MAN1C1: variants seen among roughly 807,000 people sequenced by gnomAD.
MAN1C1 encodes the protein mannosyl-oligosaccharide 1,2-alpha-mannosidase IC.
MAN1C1 carries 49 observed loss-of-function variants against 71.5 expected under a neutral mutation model. The observed-to-expected ratio is 0.69, with a 90% CI of 0.54 to 0.87. MAN1C1 has a LOEUF of 0.87. Among genes scored for constraint, MAN1C1 ranks in the 40% least tolerant of loss-of-function variants. The pLI is 0.00. For synonymous variants in MAN1C1, 352 were observed against 343.7 expected, an observed-to-expected ratio of 1.02 and a Z score of -0.27; for missense variants, 743 against 835.0, an observed-to-expected ratio of 0.89 and a Z score of 1.36.
chr1:25,686,521 G>A lies in MAN1C1; in HGVS notation c.622G>A (p.Glu208Lys), dbSNP rs1392153409. ...ELRPLTKDGY[E>K]GNMFGGLSGA... ...CCGTCCACTAACAAAAGATGGCTAC[G>A]AGGGTAACATGTTCGGTGAGTCGAT... Residue 208 changes from glutamate to lysine, a missense_variant, in exon 2 of 12, where the codon GAG becomes AAG. By Grantham distance (56) the Glu-to-Lys change is moderately conservative. Coordinates refer to ENST00000374332, the MANE Select transcript of MAN1C1 (RefSeq NM_020379.4). 2 of 1,614,120 alleles carry A rather than the reference G, an allele frequency of 1.2e-6. No individual in the cohort carries two copies. The highest frequency in any genetic ancestry group is 2.2e-5 in the East Asian group (1 of 44,876).
intron 1 of MAN1C1, among the ~76,000 whole-genome samples, chr1:25,666,860 G>A (rs1409101438): frequency 6.6e-6 from 1 of 152,258 alleles, no homozygotes; most frequent in Admixed American, 6.5e-5. Context: ...AGCAAGTGCA[G>A]GGAAGAGGAA....
At chr1:25,694,695 G>A (rs781082816) in intron 2 of MAN1C1, among the ~76,000 whole-genome samples, 4 of 152,194 alleles carry the variant, frequency 2.6e-5, no homozygotes, top group Non-Finnish European at 5.9e-5. Context: ...GCCTTGGTGG[G>A]TCTTTTTGTC....
chr1:25,649,828 G>C (rs563290572), intron 1 of MAN1C1, among the ~76,000 whole-genome samples: 1 of 152,268 alleles, frequency 6.6e-6, no homozygotes, highest in South Asian at 2.1e-4. Flanking sequence ...AATAGAGACA[G>C]GGTTTCACCA....
rs1465555117 is a variant in MAN1C1 at position 25,776,917 on chromosome 1, G to A, written c.1258-1188G>A. 6.6e-6 allele frequency among the ~76,000 whole-genome samples: 1 copy of A among 152,132 alleles called. No individual in the cohort carries two copies. The highest frequency in any genetic ancestry group is 1.9e-4 in the East Asian group (1 of 5,190). On this transcript the variant is annotated intron_variant, in intron 8 of 11. Transcript: ENST00000374332. This position sits in a 1 kb window ranked among gnomAD's most constrained non-coding sequence, Gnocchi z 4.3. ...CTCACAACCCTATGAGGCAGTTAAT[G>A]CTCTTATCCCCAGTTTACACGTTAG...
At chr1:25,643,364 C>T (rs1314591543) in intron 1 of MAN1C1, among the ~76,000 whole-genome samples, 1 of 151,018 alleles carries the variant, frequency 6.6e-6, no homozygotes, top group African/African-American at 2.4e-5. Flanking sequence ...AAGCGATTCT[C>T]CAGCCTCAGC....
intron 2 of MAN1C1, among the ~76,000 whole-genome samples, chr1:25,700,711 C>T (rs139890402): frequency 6.6e-6 from 1 of 152,358 alleles, no homozygotes; most frequent in East Asian, 1.9e-4. Context: ...GGGAATCACA[C>T]AGATACTAGA....
At chr1:25,706,526 G>A (rs1464037175) in intron 2 of MAN1C1, among the ~76,000 whole-genome samples, 1 of 152,170 alleles carries the variant, frequency 6.6e-6, no homozygotes, top group African/African-American at 2.4e-5. Flanking sequence ...CTCTGGCGGG[G>A]GGGAATCCTT....
At chr1:25,697,671 G>T (rs2046386433) in intron 2 of MAN1C1, among the ~76,000 whole-genome samples, 1 of 152,226 alleles carries the variant, frequency 6.6e-6, no homozygotes, top group Non-Finnish European at 1.5e-5. Context: ...CCCACCAGGG[G>T]TGTTTAAGAG....
chr1:25,668,384 TCCTATCTTGTTTACTC>T (rs1481572032), intron 1 of MAN1C1, among the ~76,000 whole-genome samples: 11 of 152,098 alleles, frequency 7.2e-5, no homozygotes, highest in Admixed American at 7.2e-4. Flanking sequence ...CAGCCGCCAT[TCCTATCTTGTTTACTC>T]CCATATGTAC....
intron 1 of MAN1C1, among the ~76,000 whole-genome samples, chr1:25,657,392 T>C (rs1235578201): frequency 6.6e-6 from 1 of 152,166 alleles, no homozygotes; most frequent in East Asian, 1.9e-4. Context: ...GTGGTGGTGC[T>C]TGATGTAGGG....
intron 1 of MAN1C1, among the ~76,000 whole-genome samples, chr1:25,653,461 G>A (rs1157389509): frequency 1.3e-5 from 2 of 152,188 alleles, no homozygotes; most frequent in Non-Finnish European, 2.9e-5. Flanking sequence ...CCATCTTTTT[G>A]TGTTGTGTTG....
chr1:25,666,774 A>G (rs1336725919), intron 1 of MAN1C1, among the ~76,000 whole-genome samples: 2 of 152,116 alleles, frequency 1.3e-5, no homozygotes, highest in Non-Finnish European at 2.9e-5. Context: ...TTTTATGGGG[A>G]TATTCTAAAA....
At chr1:25,671,162 A>G (rs1368369509) in intron 1 of MAN1C1, among the ~76,000 whole-genome samples, 1 of 152,236 alleles carries the variant, frequency 6.6e-6, no homozygotes, top group Non-Finnish European at 1.5e-5. Context: ...TACAGGCTTG[A>G]GCCACAACAC....
Position 25,771,704 on chromosome 1 carries a change from A to G in MAN1C1, c.1189A>G (p.Ile397Val), listed in dbSNP as rs2047553952. The change falls in exon 8 of 12, where the codon ATC becomes GTC. Residue 397 changes from isoleucine (I) to valine (V), a missense_variant. Coordinates refer to ENST00000374332, the MANE Select transcript of MAN1C1 (RefSeq NM_020379.4). Reference protein sequence around the residue: ...GLGDSFYEYLIKSWLMSGKTD... With the variant: ...GLGDSFYEYLVKSWLMSGKTD... ...CGGGGACAGTTTTTATGAATATTTG[A>G]TCAAATCCTGGTTGATGTCGGGCAA... 1 of 1,614,068 alleles carries G rather than the reference A, an allele frequency of 6.2e-7. No homozygotes were observed. Among genetic ancestry groups the G allele is most frequent in the Admixed American group, 1.7e-5 (1 of 60,006 alleles).
At position 25,783,546 on chromosome 1, in the gene MAN1C1, T is replaced by A. The variant is rs1195852923; in HGVS notation, c.1767-117T>A. The A allele has an allele frequency of 1.3e-5, 16 of 1,216,586 alleles. No individual in the cohort carries two copies. In the Admixed American group the frequency reaches 1.8e-4, roughly 14 times the overall value. 75.4% of individuals were successfully genotyped at this position (1,216,586 alleles called of 1,614,324 possible). On this transcript the variant is annotated intron_variant, in intron 11 of 11. Coordinates refer to ENST00000374332, the MANE Select transcript of MAN1C1 (RefSeq NM_020379.4). Reference sequence around the variant, plus strand: ...GCCCACAGTTTTGGGGTTGCAAGGCTCCAGACCTTGACCATAGGCCTATCA... The same window carrying A: ...GCCCACAGTTTTGGGGTTGCAAGGCACCAGACCTTGACCATAGGCCTATCA...
intron 2 of MAN1C1, among the ~76,000 whole-genome samples, chr1:25,726,805 C>T (rs1294322849): frequency 6.6e-6 from 1 of 151,804 alleles, no homozygotes; most frequent in African/African-American, 2.4e-5. Context: ...TCTGTAATCC[C>T]ATCACTGCGG....
Position 25,671,505 on chromosome 1 carries a change from G to C in MAN1C1, c.541-14935G>C, listed in dbSNP as rs148328771. 1.3e-4 allele frequency among the ~76,000 whole-genome samples: 20 copies of C among 152,330 alleles called. No homozygotes were observed. In the East Asian group the frequency reaches 3.9e-3, roughly 29 times the overall value. On this transcript the variant is annotated intron_variant, in intron 1 of 11. Coordinates refer to ENST00000374332, the MANE Select transcript of MAN1C1 (RefSeq NM_020379.4). ...ATGAAATAAATGATTATCCCGTAGAGGTGTTAGGTATTGTCACTGATGGAC... is the reference window on the plus strand; with the variant it reads ...ATGAAATAAATGATTATCCCGTAGACGTGTTAGGTATTGTCACTGATGGAC...
At chr1:25,721,721 T>G (rs939929631) in intron 2 of MAN1C1, among the ~76,000 whole-genome samples, 2 of 152,224 alleles carry the variant, frequency 1.3e-5, no homozygotes, top group African/African-American at 4.8e-5. Flanking sequence ...ACAGATCGTT[T>G]TACTTCCTTC....
intron 1 of MAN1C1, among the ~76,000 whole-genome samples, chr1:25,664,628 C>T (rs114469401): frequency 7.2e-4 from 109 of 152,268 alleles, no homozygotes; most frequent in African/African-American, 2.1e-3. Flanking sequence ...GAAATGTTCT[C>T]GGACATACAG....
Sources: gnomAD v4.1 joint callset for allele counts (sites outside exome capture counted in the v4.1 genomes callset) on GRCh38, gnomAD v4.1.1 for gene constraint, Gnocchi (gnomAD v3.1) non-coding constraint, MANE v1.5 for transcripts, NCBI Gene and HGNC (gene_info 2026-07-23, HGNC 2026-07-21) for gene names.